YES1: variants seen among roughly 807,000 people sequenced by gnomAD.
YES1 encodes the protein tyrosine-protein kinase Yes.
Under a neutral mutation model 70.4 loss-of-function variants are expected in YES1, and 39 were observed. That is an observed-to-expected ratio of 0.55 (90% confidence interval 0.43 to 0.72). The LOEUF is 0.72. Ranked by LOEUF, YES1 falls within the 30% of genes least tolerant of loss-of-function variation. The probability of loss-of-function intolerance (pLI) is 0.00; values close to 1 mark genes in which losing one functional copy is unlikely to be tolerated. For missense variants in YES1, 495 were observed against 644.8 expected (o/e 0.77, Z 2.52); for synonymous variants, 198 against 218.6 (o/e 0.91, Z 0.83).
chr18:730,175 G>A lies in YES1; in HGVS notation c.1423+2659C>T, dbSNP rs965567474. On this transcript the variant is annotated intron_variant, in intron 11 of 11. Transcript: ENST00000314574. ...TTCTGGGGTCTCAACAAAAAGCCTA[G>A]CGTATTCTCCAACATCTATCCAGTT... Among the ~76,000 whole-genome samples, 5 of 152,030 alleles carry A rather than the reference G, an allele frequency of 3.3e-5. No homozygotes were observed. In the South Asian group the frequency reaches 6.2e-4, roughly 19 times the overall value.
chr18:746,661 G>T (rs1284779468), intron 4 of YES1, among the ~76,000 whole-genome samples: 1 of 152,152 alleles, frequency 6.6e-6, no homozygotes, highest in East Asian at 1.9e-4. Flanking sequence ...CATTGATAGA[G>T]CACCTATCAT....
chr18:774,125 C>G (rs192196893), intron 1 of YES1, among the ~76,000 whole-genome samples: 1 of 152,226 alleles, frequency 6.6e-6, no homozygotes, highest in Non-Finnish European at 1.5e-5. Context: ...GCCACGGCGC[C>G]TGGCCTTCCC....
intron 3 of YES1, among the ~76,000 whole-genome samples, chr18:750,097 A>G (rs549143491): frequency 6.6e-6 from 1 of 152,346 alleles, no homozygotes; most frequent in South Asian, 2.1e-4. Context: ...CACTGTCTAA[A>G]TTAAAATGTT....
At chr18:726,781 C>CAAAAAAAAAAAAAAAAA (rs58322434) in intron 11 of YES1, among the ~76,000 whole-genome samples, 2 of 47,250 alleles carry the variant, frequency 4.2e-5, no homozygotes, top group African/African-American at 8.7e-5. Context: ...ACTCTTGTCT[C>CAAAAAAAAAAAAAAAAA]AAAAAAAAAA....
chr18:775,777 A>T (rs906037314), intron 1 of YES1, among the ~76,000 whole-genome samples: 1 of 152,120 alleles, frequency 6.6e-6, no homozygotes, highest in Non-Finnish European at 1.5e-5. Flanking sequence ...AGCCTGGGTG[A>T]CAGAGTGAGA....
At position 756,587 on chromosome 18, in the gene YES1, C is replaced by T. The variant is rs372333387; in HGVS notation, c.241G>A (p.Val81Met). Residue 81 changes from valine (V) to methionine (M), a missense_variant, in exon 2 of 12, where the codon GTG becomes ATG. Physicochemically the swap from Val to Met is conservative, Grantham distance 21. Coordinates refer to ENST00000314574, the MANE Select transcript of YES1 (RefSeq NM_005433.4). ...AAACCAGCAGGATATGAACTTGGCA[C>T]CACTGAAAATGAGGAAGATGCACCT... ...FGGASSSFSV[V>M]PSSYPAGLTG... 31 of 1,614,026 alleles carry T rather than the reference C, an allele frequency of 1.9e-5. No homozygotes were observed. The highest frequency in any genetic ancestry group is 2.6e-5 in the Non-Finnish European group (31 of 1,180,034).
intron 11 of YES1, among the ~76,000 whole-genome samples, chr18:730,502 G>A (rs566806270): frequency 4.6e-5 from 7 of 151,850 alleles, no homozygotes; most frequent in African/African-American, 7.3e-5. Flanking sequence ...GAGTCACCAC[G>A]CCCAACTGGA....
chr18:801,216 G>A (rs948558146), intron 1 of YES1, among the ~76,000 whole-genome samples: 6 of 152,056 alleles, frequency 3.9e-5, no homozygotes, highest in Non-Finnish European at 8.8e-5. Context: ...ACCTGTGGTC[G>A]CAGCTACTGG....
chr18:773,508 C>T (rs1446832145), intron 1 of YES1, among the ~76,000 whole-genome samples: 1 of 152,142 alleles, frequency 6.6e-6, no homozygotes, highest in Non-Finnish European at 1.5e-5. Flanking sequence ...CCATGACAGT[C>T]ATGTTTCGAT....
chr18:726,583 C>A (rs2080021917), intron 11 of YES1, among the ~76,000 whole-genome samples: 1 of 151,590 alleles, frequency 6.6e-6, no homozygotes, highest in African/African-American at 2.4e-5. Context: ...AGTTTGAGAC[C>A]AGCCTGGCCA....
chr18:774,473 G>A (rs1238849350), intron 1 of YES1, among the ~76,000 whole-genome samples: 1 of 152,082 alleles, frequency 6.6e-6, no homozygotes, highest in Non-Finnish European at 1.5e-5. Flanking sequence ...CCTCCCCAAA[G>A]CAGCTCCTCC....
At position 758,213 on chromosome 18, in the gene YES1, T is replaced by G. The variant is rs570525589; in HGVS notation, c.-8-1378A>C. Among the ~76,000 whole-genome samples the G allele has an allele frequency of 1.2e-4, 18 of 152,334 alleles. 1 individual carries two copies. Among genetic ancestry groups the G allele is most frequent in the South Asian group, 1.0e-3 (5 of 4,824 alleles). On this transcript the variant is annotated intron_variant, in intron 1 of 11. Transcript: ENST00000314574. ...CGATATAAACATTTTAATGACATTT[T>G]ATTTTTTCATACTGAGCCTTAAAAA...
rs1221698442 is a variant in YES1 at position 721,588 on chromosome 18, T to A, written c.*2836A>T. The A allele has an allele frequency of 1.3e-5, 2 of 151,320 alleles. No individual in the cohort carries two copies. Among genetic ancestry groups the A allele is most frequent in the East Asian group, 3.9e-4 (2 of 5,176 alleles). The allele number at this position is 151,320 out of a possible 1,614,324, so 9.4% of individuals were successfully genotyped here. A position where few individuals can be genotyped will look rare whatever the true frequency, so the allele number is the denominator to read the frequency against. The stretch of plus-strand genomic sequence containing the variant: ...AAAAAAGAAAATTGACCACAAAGAA[T>A]GAGTTCAATAATGTTCTGAATTTAA... On this transcript the variant is annotated 3_prime_UTR_variant, in exon 12 of 12. Coordinates refer to ENST00000314574, the MANE Select transcript of YES1 (RefSeq NM_005433.4).
At chr18:754,485 TC>T (rs1239924796) in intron 2 of YES1, among the ~76,000 whole-genome samples, 1 of 152,026 alleles carries the variant, frequency 6.6e-6, no homozygotes, top group African/African-American at 2.4e-5. Flanking sequence ...GGCAGGCACA[TC>T]CCCTAAATCA....
intron 1 of YES1, among the ~76,000 whole-genome samples, chr18:768,573 C>T (rs1352128760): frequency 6.6e-6 from 1 of 152,174 alleles, no homozygotes; most frequent in Non-Finnish European, 1.5e-5. Context: ...CTCTTCATCA[C>T]TAACATATAC....
chr18:728,450 T>A (rs1190810569), intron 11 of YES1, among the ~76,000 whole-genome samples: 1 of 152,232 alleles, frequency 6.6e-6, no homozygotes, highest in Non-Finnish European at 1.5e-5. Context: ...CTGTGACCTG[T>A]CACATGAGGA....
At position 745,858 on chromosome 18, in the gene YES1, C is replaced by G; in HGVS notation, c.575-1G>C. On this transcript the variant is annotated splice_acceptor_variant, in intron 5 of 11. Transcript: ENST00000314574. LOFTEE classifies it high-confidence loss of function. ...TCACGAATAGAAAGGGAATAAGCAC[C>G]TGGGTGAAAAATAAATACTTTCACT... The G allele has an allele frequency of 6.2e-7, 1 of 1,609,800 alleles. No individual in the cohort carries two copies. Among genetic ancestry groups the G allele is most frequent in the Non-Finnish European group, 8.5e-7 (1 of 1,179,048 alleles).
rs2145647250 is a variant in YES1, at chr18:722,877, G to C, written c.*1547C>G. Reference sequence around the variant, plus strand: ...GGAGGCCGAGGCGGGCAGATCACAAGGTCAGGAGATCGAGACTATCCTGGC... The same window carrying C: ...GGAGGCCGAGGCGGGCAGATCACAACGTCAGGAGATCGAGACTATCCTGGC... On this transcript the variant is annotated 3_prime_UTR_variant, in exon 12 of 12. Coordinates refer to ENST00000314574, the MANE Select transcript of YES1 (RefSeq NM_005433.4). The C allele has an allele frequency of 6.6e-6, 1 of 152,326 alleles. No homozygotes were observed. The highest frequency in any genetic ancestry group is 2.4e-5 in the African/African-American group (1 of 41,574). The allele number at this position is 152,326 out of a possible 1,614,324, so 9.4% of individuals were successfully genotyped here.
At chr18:748,724 T>C (rs1034624145) in intron 3 of YES1, among the ~76,000 whole-genome samples, 1 of 152,224 alleles carries the variant, frequency 6.6e-6, no homozygotes, top group Non-Finnish European at 1.5e-5. Flanking sequence ...TATCAGTAGT[T>C]CATTCTTTAC....
Sources: gnomAD v4.1 joint callset for allele counts (sites outside exome capture counted in the v4.1 genomes callset) on GRCh38, gnomAD v4.1.1 for gene constraint, MANE v1.5 for transcripts, NCBI Gene and HGNC (gene_info 2026-07-23, HGNC 2026-07-21) for gene names.